The following ROR1 variants were observed in gnomAD, a reference collection of about 807,000 sequenced individuals.
ROR1 encodes inactive tyrosine-protein kinase transmembrane receptor ROR1.
Under a neutral mutation model 78.8 loss-of-function variants are expected in ROR1, and 19 were observed. That is an observed-to-expected ratio of 0.24 (90% CI 0.17 to 0.35). The LOEUF (loss-of-function observed/expected upper bound fraction) is 0.35. ROR1 is among the 10% of genes least tolerant of loss of function. The pLI is 1.00. For missense variants in ROR1, 917 were observed against 1,177.8 expected (o/e 0.78, Z 3.24); for synonymous variants, 386 against 433.6 (o/e 0.89, Z 1.36).
intron 4 of ROR1, among the ~76,000 whole-genome samples, chr1:64,065,974 A>G (rs1646952729): frequency 6.6e-6 from 1 of 152,208 alleles, no homozygotes; most frequent in Non-Finnish European, 1.5e-5. Context: ...ACCCACTCCT[A>G]GAACTTGAAC....
chr1:64,049,421 C>T (rs1239126061), intron 2 of ROR1, among the ~76,000 whole-genome samples: 1 of 152,106 alleles, frequency 6.6e-6, no homozygotes, highest in African/African-American at 2.4e-5. Context: ...TGATCTGAAG[C>T]ACAAAAGCTT....
At chr1:64,035,221 A>C (rs1274170872) in intron 2 of ROR1, among the ~76,000 whole-genome samples, 1 of 152,208 alleles carries the variant, frequency 6.6e-6, no homozygotes, top group Non-Finnish European at 1.5e-5. Flanking sequence ...CTTGTGTGCA[A>C]CCTAGATGAA....
At chr1:64,158,429 G>GC (rs1217585159) in intron 7 of ROR1, among the ~76,000 whole-genome samples, 2 of 152,154 alleles carry the variant, frequency 1.3e-5, no homozygotes, top group African/African-American at 4.8e-5. Context: ...CTGACTTCAG[G>GC]CCCCCATATT....
intron 7 of ROR1, among the ~76,000 whole-genome samples, chr1:64,154,851 T>C (rs528554809): frequency 1.4e-4 from 21 of 152,334 alleles, no homozygotes; most frequent in African/African-American, 4.1e-4. Flanking sequence ...CAGCCGATTT[T>C]CTCTGTAATG....
chr1:64,062,533 G>A (rs61176068), intron 4 of ROR1, among the ~76,000 whole-genome samples: 1,782 of 152,164 alleles, frequency 0.012, 35 homozygotes, highest in African/African-American at 0.038. Context: ...GGATGGTCTC[G>A]AACTCCTGAC....
chr1:63,958,698 A>G (rs1469570015), intron 1 of ROR1, among the ~76,000 whole-genome samples: 1 of 152,178 alleles, frequency 6.6e-6, no homozygotes, highest in African/African-American at 2.4e-5. Context: ...TTTCTGCTAC[A>G]CCTATGTCCG....
intron 1 of ROR1, among the ~76,000 whole-genome samples, chr1:63,867,158 C>G (rs1182988618): frequency 6.6e-6 from 1 of 152,212 alleles, no homozygotes; most frequent in Non-Finnish European, 1.5e-5. Flanking sequence ...TCCTGGAGAA[C>G]AGGGACAAAG....
At chr1:63,924,264 C>T (rs1278322858) in intron 1 of ROR1, among the ~76,000 whole-genome samples, 2 of 152,134 alleles carry the variant, frequency 1.3e-5, no homozygotes, top group African/African-American at 4.8e-5. Flanking sequence ...AGTTTATCTC[C>T]ACCCACTAGA....
chr1:64,061,813 C>T (rs1158300972), intron 4 of ROR1, among the ~76,000 whole-genome samples: 3 of 152,070 alleles, frequency 2.0e-5, no homozygotes, highest in Non-Finnish European at 4.4e-5. Flanking sequence ...TTTTTTCTAT[C>T]TACATTTGAT....
chr1:64,128,711 G>A (rs573692133), intron 4 of ROR1, among the ~76,000 whole-genome samples: 1 of 152,238 alleles, frequency 6.6e-6, no homozygotes, highest in East Asian at 1.9e-4. Context: ...GTCCCATGAA[G>A]TTTGTTTATA....
At chr1:64,169,892 G>C (rs1650190203) in intron 8 of ROR1, among the ~76,000 whole-genome samples, 1 of 152,154 alleles carries the variant, frequency 6.6e-6, no homozygotes, top group Non-Finnish European at 1.5e-5. Context: ...AAATCTTAAG[G>C]CTCCAAAATG....
At chr1:63,849,408 T>A (rs1349832008) in intron 1 of ROR1, among the ~76,000 whole-genome samples, 1 of 152,140 alleles carries the variant, frequency 6.6e-6, no homozygotes, top group African/African-American at 2.4e-5. Flanking sequence ...TTAAAATGCC[T>A]AAAATAGGGT....
chr1:64,043,956 A>G (rs532941967), intron 2 of ROR1, among the ~76,000 whole-genome samples: 25 of 152,308 alleles, frequency 1.6e-4, no homozygotes, highest in African/African-American at 6.0e-4. Flanking sequence ...AGCTATGATC[A>G]TCACTTTCCA....
chr1:63,843,345 A>G, intron 1 of ROR1: 1 of 1,003,608 alleles, frequency 1.0e-6, no homozygotes, highest in South Asian at 1.3e-5. Flanking sequence ...GGCATAGATC[A>G]TTTTGCTTTT....
At chr1:63,943,727 C>T (rs550125694) in intron 1 of ROR1, among the ~76,000 whole-genome samples, 1 of 152,238 alleles carries the variant, frequency 6.6e-6, no homozygotes, top group South Asian at 2.1e-4. Flanking sequence ...TAGAGGCATT[C>T]CTAATTTTCA....
intron 1 of ROR1, among the ~76,000 whole-genome samples, chr1:63,778,087 G>T (rs1644628429): frequency 6.6e-6 from 1 of 152,136 alleles, no homozygotes; most frequent in Non-Finnish European, 1.5e-5. Context: ...AACAGACCTG[G>T]ATTTGAATCT....
intron 1 of ROR1, among the ~76,000 whole-genome samples, chr1:63,990,730 A>G (rs900195232): frequency 6.6e-6 from 1 of 152,000 alleles, no homozygotes; most frequent in African/African-American, 2.4e-5. Flanking sequence ...ATCCTCCCAA[A>G]CACATGTTAT....
chr1:63,907,793 T>G (rs868748906), intron 1 of ROR1, among the ~76,000 whole-genome samples: 3 of 152,314 alleles, frequency 2.0e-5, no homozygotes, highest in Middle Eastern at 3.4e-3. Flanking sequence ...TGAAAACATG[T>G]GTTCCAATCC....
intron 2 of ROR1, among the ~76,000 whole-genome samples, chr1:64,013,960 G>T (rs1304646870): frequency 6.6e-6 from 1 of 152,250 alleles, no homozygotes; most frequent in Non-Finnish European, 1.5e-5. Context: ...TGCTAAGCAG[G>T]TTGCACGCAT....
Sources: gnomAD v4.1 joint callset for allele counts (sites outside exome capture counted in the v4.1 genomes callset) on GRCh38, gnomAD v4.1.1 for gene constraint, MANE v1.5 for transcripts, NCBI Gene and HGNC (gene_info 2026-07-23, HGNC 2026-07-21) for gene names.